WDR27: variants seen among roughly 807,000 people sequenced by gnomAD.
WDR27 encodes the protein WD repeat domain 27.
Under a neutral mutation model 114.4 loss-of-function variants are expected in WDR27, and 100 were observed. That is an observed-to-expected ratio of 0.87 (90% CI 0.74 to 1.03). The LOEUF is 1.03. WDR27 is among the 50% of genes least tolerant of loss of function. WDR27 has a pLI of 0.00. For missense variants in WDR27, 1,129 were observed against 1,092.9 expected (o/e 1.03, Z -0.47); for synonymous variants, 449 against 423.1 (o/e 1.06, Z -0.75).
intron 7 of WDR27, chr6:169,664,495 G>T: frequency 7.1e-7 from 1 of 1,415,816 alleles, no homozygotes; most frequent in Non-Finnish European, 9.2e-7. Context: ...ACTTTCACAC[G>T]GCTGGCACAT....
chr6:169,651,886 G>T, intron 14 of WDR27, 44 bp downstream of exon 14: 1 of 1,561,732 alleles, frequency 6.4e-7, no homozygotes, highest in Non-Finnish European at 8.8e-7. Flanking sequence ...CTGCATCTGT[G>T]ACGCAGGTGC....
chr6:169,495,937 T>C (rs571815934), intron 25 of WDR27, among the ~76,000 whole-genome samples: 1 of 152,140 alleles, frequency 6.6e-6, no homozygotes, highest in African/African-American at 2.4e-5. Flanking sequence ...AGCATTACCC[T>C]GATATCAAAA....
the WDR27 span, among the ~76,000 whole-genome samples, chr6:169,434,670 T>TC: frequency 1.3e-5 from 2 of 152,164 alleles, no homozygotes; most frequent in Non-Finnish European, 2.9e-5. Flanking sequence ...TGCCCTTAGG[T>TC]TATCTGCTGG....
At chr6:169,589,746 G>A (rs1233924152) in intron 23 of WDR27, among the ~76,000 whole-genome samples, 2 of 152,304 alleles carry the variant, frequency 1.3e-5, no homozygotes, top group East Asian at 1.9e-4. Flanking sequence ...TAAGCCTCTT[G>A]TATGACACAG....
chr6:169,495,407 A>T (rs897737794), intron 25 of WDR27, among the ~76,000 whole-genome samples: 3 of 152,068 alleles, frequency 2.0e-5, no homozygotes, highest in African/African-American at 7.2e-5. Context: ...CTAAAAGTAA[A>T]CTAAATCCAG....
At chr6:169,461,803 A>AG (rs1312955769) in intron 25 of WDR27, among the ~76,000 whole-genome samples, 19 of 151,970 alleles carry the variant, frequency 1.3e-4, no homozygotes, top group Non-Finnish European at 2.4e-4. Context: ...AGAAAAACAG[A>AG]GAAAAACAAG....
At chr6:169,426,845 C>T in the WDR27 span, 1 of 152,684 alleles carries the variant, frequency 6.5e-6, no homozygotes, top group South Asian at 2.1e-4. Context: ...CAGCACCTGC[C>T]TGCTGCCTGC....
At chr6:169,575,256 CTCCT>C (rs1802074181) in intron 24 of WDR27, among the ~76,000 whole-genome samples, 1 of 111,462 alleles carries the variant, frequency 9.0e-6, no homozygotes, top group African/African-American at 2.9e-5. Context: ...CCATCCATCC[CTCCT>C]TCCCTCTCTC....
rs1311375802 is a variant in WDR27 at position 169,701,836 on chromosome 6, C to G, written c.-293G>C. ...CAACCGCGCAGCCCCCGCGCTCCAG[C>G]CCTGCGCCCTAGGCACACGCCCCAG... is the stretch of plus-strand genomic sequence containing the variant. On this transcript the variant is annotated 5_prime_UTR_variant, in exon 1 of 26. Coordinates refer to ENST00000448612, the MANE Select transcript of WDR27 (RefSeq NM_182552.5). 3.2e-6 allele frequency: 1 copy of G among 314,486 alleles called. No homozygotes were observed. The highest frequency in any genetic ancestry group is 6.2e-6 in the Non-Finnish European group (1 of 162,120). The allele number at this position is 314,486 out of a possible 1,614,324, so 19.5% of individuals were successfully genotyped here.
chr6:169,495,224 GATAA>G (rs1355159747), intron 25 of WDR27, among the ~76,000 whole-genome samples: 3 of 152,100 alleles, frequency 2.0e-5, no homozygotes, highest in Admixed American at 6.5e-5. Flanking sequence ...TGGGTAGATA[GATAA>G]ATAAACAGAT....
In WDR27 at chr6:169,647,844, A is replaced by G; in HGVS notation, c.1586T>C (p.Val529Ala). Residue 529 changes from valine (V) to alanine (A), a missense_variant, in exon 16 of 26, where the codon GTG (valine) becomes GCG (alanine). By Grantham distance (64) the Val-to-Ala change is moderately conservative. Transcript: ENST00000448612. ...AREAYPVECA[V>A]PTKPGPQVAA... ...GACCTGGGGGCCGGGCTTGGTGGGCACAGCGCACTCCACGGGGTATGCCTC... is the reference window on the plus strand; with the variant it reads ...GACCTGGGGGCCGGGCTTGGTGGGCGCAGCGCACTCCACGGGGTATGCCTC... 1 of 1,577,244 alleles carries G rather than the reference A, an allele frequency of 6.3e-7. No individual in the cohort carries two copies. Among genetic ancestry groups the G allele is most frequent in the Middle Eastern group, 1.7e-4 (1 of 6,002 alleles).
intron 25 of WDR27, among the ~76,000 whole-genome samples, chr6:169,521,674 G>A (rs1207254998): frequency 4.6e-5 from 7 of 151,998 alleles, no homozygotes; most frequent in Non-Finnish European, 8.8e-5. Context: ...AGCTTAAAAT[G>A]TAGAGTATTT....
chr6:169,430,882 CCT>C, the WDR27 span, among the ~76,000 whole-genome samples: 1 of 152,142 alleles, frequency 6.6e-6, no homozygotes, highest in Non-Finnish European at 1.5e-5. Context: ...ATAGGCGGCC[CCT>C]CTCAAGTGCC....
chr6:169,626,119 C>T lies in WDR27; in HGVS notation c.2223+6828G>A, dbSNP rs75242579. On this transcript the variant is annotated intron_variant, in intron 21 of 25. Coordinates refer to ENST00000448612, the MANE Select transcript of WDR27 (RefSeq NM_182552.5). ...ATTGACAGTGAAGATTAAAATAACC[C>T]GAATGGGGTTCTGAAGGCACAGGTC... is the stretch of plus-strand genomic sequence containing the variant. Among the ~76,000 whole-genome samples, 3 of 152,298 alleles carry T rather than the reference C, an allele frequency of 2.0e-5. No homozygotes were observed. The South Asian group carries it at 6.2e-4, about 32-fold the overall frequency.
At chr6:169,581,721 T>G (rs1388061568) in intron 24 of WDR27, among the ~76,000 whole-genome samples, 1 of 152,224 alleles carries the variant, frequency 6.6e-6, no homozygotes, top group Non-Finnish European at 1.5e-5. Flanking sequence ...TTTCCAATAT[T>G]CAATATTATT....
chr6:169,443,391 G>A, the WDR27 span, among the ~76,000 whole-genome samples: 12 of 151,334 alleles, frequency 7.9e-5, no homozygotes, highest in Non-Finnish European at 1.8e-4. Context: ...TGATAGGCAT[G>A]TTTTCTAATC....
At chr6:169,570,527 T>C (rs75908454) in intron 25 of WDR27, among the ~76,000 whole-genome samples, 7,028 of 152,312 alleles carry the variant, frequency 0.046, 261 homozygotes, top group East Asian at 0.11. Flanking sequence ...TCCTTTCTGT[T>C]ATCTTTAAAA....
intron 5 of WDR27, 151 bp from the exon 6 acceptor site, chr6:169,667,338 A>C (rs1485780611): frequency 8.1e-7 from 1 of 1,238,596 alleles, no homozygotes; most frequent in East Asian, 3.2e-5. Flanking sequence ...AATAATAAAA[A>C]TGTAGTAACA....
intron 23 of WDR27, among the ~76,000 whole-genome samples, chr6:169,587,214 C>CT (rs770797963): frequency 0.28 from 32,683 of 115,564 alleles, 4,875 homozygotes; most frequent in South Asian, 0.39. Context: ...CAAGGATTTT[C>CT]TTTTTTTTTT....
Sources: allele counts gnomAD v4.1 joint callset (sites outside exome capture counted in the v4.1 genomes callset), GRCh38; gene constraint gnomAD v4.1.1; transcripts MANE v1.5; gene names NCBI Gene and HGNC (gene_info 2026-07-23, HGNC 2026-07-21).